The following NKAIN2 variants were observed in gnomAD, a reference collection of about 807,000 sequenced individuals.
The protein encoded by NKAIN2 is sodium/potassium transporting ATPase interacting 2.
Under a neutral mutation model 32.6 loss-of-function variants are expected in NKAIN2, and 14 were observed. That is an observed-to-expected ratio of 0.43 (90% CI 0.28 to 0.67). NKAIN2 has a LOEUF of 0.67. Among genes scored for constraint, NKAIN2 ranks in the 30% least tolerant of loss-of-function variants. NKAIN2 has a pLI of 0.17. For missense variants in NKAIN2, 198 were observed against 258.3 expected, an observed-to-expected ratio of 0.77 and a Z score of 1.60; for synonymous variants, 80 against 87.2, an observed-to-expected ratio of 0.92 and a Z score of 0.46.
At position 124,335,797 on chromosome 6, in the gene NKAIN2, C is replaced by T. The variant is rs139245834; in HGVS notation, c.193-19470C>T. ...ATGTATGATATTTCCAATGAGACAT[C>T]TAATATTACATGTATTTTTCCTCTT... On this transcript the variant is annotated intron_variant, in intron 2 of 6. Transcript: ENST00000368417. Among the ~76,000 whole-genome samples, 59 of 152,216 alleles carry T rather than the reference C, an allele frequency of 3.9e-4. No homozygotes were observed. The East Asian group carries it at 9.7e-3, about 25-fold the overall frequency.
intron 1 of NKAIN2, among the ~76,000 whole-genome samples, chr6:123,976,615 C>T (rs968265089): frequency 2.0e-5 from 3 of 151,258 alleles, no homozygotes; most frequent in African/African-American, 7.3e-5. Flanking sequence ...TAATGGAGGA[C>T]AGTCTGCTTT....
At chr6:124,422,859 G>T (rs9482557) in intron 3 of NKAIN2, among the ~76,000 whole-genome samples, 8,450 of 152,134 alleles carry the variant, frequency 0.056, 662 homozygotes, top group African/African-American at 0.17. Flanking sequence ...TATGTGTTTG[G>T]GGACTGTTAC....
chr6:124,697,601 C>A (rs1316421765), intron 4 of NKAIN2, among the ~76,000 whole-genome samples: 1 of 152,158 alleles, frequency 6.6e-6, no homozygotes, highest in Non-Finnish European at 1.5e-5. Flanking sequence ...GAAACTGATG[C>A]AGGATTTCAG....
chr6:123,925,677 A>G (rs1775974595), intron 1 of NKAIN2, among the ~76,000 whole-genome samples: 1 of 152,144 alleles, frequency 6.6e-6, no homozygotes, highest in South Asian at 2.1e-4. Context: ...CGTTACTCTG[A>G]CTACATTATT....
chr6:124,287,093 G>T (rs56122306), intron 2 of NKAIN2, among the ~76,000 whole-genome samples: 2 of 152,094 alleles, frequency 1.3e-5, no homozygotes, highest in African/African-American at 4.8e-5. Context: ...ACATCATAAA[G>T]CTTCCTTTTG....
At chr6:124,458,252 T>C (rs2114640123) in intron 3 of NKAIN2, among the ~76,000 whole-genome samples, 1 of 152,114 alleles carries the variant, frequency 6.6e-6, no homozygotes, top group South Asian at 2.1e-4. Context: ...AATTTGTGAC[T>C]TAATTATTTT....
At chr6:124,306,516 T>G (rs1285598498) in intron 2 of NKAIN2, among the ~76,000 whole-genome samples, 1 of 152,166 alleles carries the variant, frequency 6.6e-6, no homozygotes, top group East Asian at 1.9e-4. Flanking sequence ...AAGCAACTGA[T>G]GATTAAAGAA....
chr6:123,884,235 AT>A, intron 1 of NKAIN2, among the ~76,000 whole-genome samples: 1 of 152,040 alleles, frequency 6.6e-6, no homozygotes, highest in African/African-American at 2.4e-5. Context: ...TCCTGTTGTA[AT>A]GGATAATGGA....
chr6:123,814,807 A>G (rs1773623552), intron 1 of NKAIN2, among the ~76,000 whole-genome samples: 1 of 152,220 alleles, frequency 6.6e-6, no homozygotes, highest in Admixed American at 6.5e-5. Flanking sequence ...GTGAATAAAA[A>G]TTTACATGCA....
At chr6:123,998,743 CTGTG>C (rs34410164) in intron 1 of NKAIN2, among the ~76,000 whole-genome samples, 2,042 of 134,126 alleles carry the variant, frequency 0.015, 46 homozygotes, top group African/African-American at 0.051. Flanking sequence ...CTCTCTCTCT[CTGTG>C]TGTGTGTGTG....
intron 1 of NKAIN2, among the ~76,000 whole-genome samples, chr6:124,131,116 G>A (rs1401508241): frequency 6.6e-6 from 1 of 152,104 alleles, no homozygotes; most frequent in Non-Finnish European, 1.5e-5. Context: ...CCCTCCACGA[G>A]AAACTTCTGA....
chr6:124,653,719 G>A (rs1784445950), intron 3 of NKAIN2, among the ~76,000 whole-genome samples: 1 of 152,044 alleles, frequency 6.6e-6, no homozygotes, highest in Admixed American at 6.6e-5. Context: ...GAAAAGACAA[G>A]CCATAGACTG....
At chr6:123,959,168 G>A (rs922013908) in intron 1 of NKAIN2, among the ~76,000 whole-genome samples, 2 of 152,210 alleles carry the variant, frequency 1.3e-5, no homozygotes, top group Non-Finnish European at 2.9e-5. Flanking sequence ...CTACTTGGTA[G>A]AAGAATTAGA....
At chr6:124,749,426 G>A (rs1777605569) in intron 4 of NKAIN2, among the ~76,000 whole-genome samples, 1 of 151,872 alleles carries the variant, frequency 6.6e-6, no homozygotes. Flanking sequence ...CGTATTTGGG[G>A]ACCTCACCCT....
intron 5 of NKAIN2, among the ~76,000 whole-genome samples, chr6:124,802,960 C>A (rs1341189528): frequency 2.6e-5 from 4 of 152,190 alleles, no homozygotes; most frequent in Non-Finnish European, 5.9e-5. Context: ...AGACTTTCAA[C>A]ATCTGTGCCT....
chr6:124,631,147 C>T (rs1027343147), intron 3 of NKAIN2, among the ~76,000 whole-genome samples: 8 of 152,000 alleles, frequency 5.3e-5, no homozygotes, highest in Non-Finnish European at 7.4e-5. Flanking sequence ...CTCCATTTCA[C>T]GAGAGTGTTT....
chr6:124,012,417 G>T (rs1349960014), intron 1 of NKAIN2, among the ~76,000 whole-genome samples: 1 of 145,256 alleles, frequency 6.9e-6, no homozygotes, highest in South Asian at 2.2e-4. Flanking sequence ...CTCACTGCAA[G>T]CTCCGCCTCC....
intron 1 of NKAIN2, among the ~76,000 whole-genome samples, chr6:123,940,229 A>G (rs1001651421): frequency 6.6e-6 from 1 of 151,898 alleles, no homozygotes; most frequent in Non-Finnish European, 1.5e-5. Flanking sequence ...AAAAACACTT[A>G]AAGCACAAAA....
intron 5 of NKAIN2, among the ~76,000 whole-genome samples, chr6:124,811,949 A>T (rs1482487989): frequency 6.6e-6 from 1 of 152,138 alleles, no homozygotes; most frequent in African/African-American, 2.4e-5. Context: ...TTAAGAAAGT[A>T]CAATTTTTTT....
Sources: gnomAD v4.1 joint callset for allele counts (sites outside exome capture counted in the v4.1 genomes callset) on GRCh38, gnomAD v4.1.1 for gene constraint, MANE v1.5 for transcripts, NCBI Gene and HGNC (gene_info 2026-07-23, HGNC 2026-07-21) for gene names.